Variants in STPG4 observed in about 807,000 individuals in gnomAD.
STPG4 encodes sperm-tail PG-rich repeat containing 4.
In STPG4, 41 loss-of-function variants were observed where a neutral mutation model predicts 31.5. That is an observed-to-expected ratio of 1.30 (90% CI 1.01 to 1.69). STPG4 has a LOEUF of 1.69. Ranked by LOEUF, STPG4 falls within the 40% of genes most tolerant of loss-of-function variation. The probability of loss-of-function intolerance (pLI) is 0.00; values close to 1 mark genes in which losing one functional copy is unlikely to be tolerated. For synonymous variants in STPG4, 141 were observed against 103.0 expected, an observed-to-expected ratio of 1.37 and a Z score of -2.24; for missense variants, 375 against 293.4, an observed-to-expected ratio of 1.28 and a Z score of -2.03.
chr2:47,117,087 C>G (rs191127673), intron 5 of STPG4, among the ~76,000 whole-genome samples: 5 of 152,330 alleles, frequency 3.3e-5, no homozygotes, highest in Admixed American at 6.5e-5. Flanking sequence ...CAAGCTTTCT[C>G]TTCACCCATG....
intron 5 of STPG4, among the ~76,000 whole-genome samples, chr2:47,097,379 C>G (rs1685694941): frequency 6.6e-6 from 1 of 152,146 alleles, no homozygotes; most frequent in Admixed American, 6.5e-5. Context: ...GGTCTGGATG[C>G]TGATGTCCCC....
chr2:47,145,703 C>A (rs1390246364), intron 3 of STPG4, among the ~76,000 whole-genome samples: 1 of 152,146 alleles, frequency 6.6e-6, no homozygotes, highest in Non-Finnish European at 1.5e-5. Flanking sequence ...CAGGTTCAAC[C>A]AATATTAATC....
intron 5 of STPG4, among the ~76,000 whole-genome samples, chr2:47,110,767 G>C (rs188738431): frequency 3.9e-5 from 6 of 152,214 alleles, no homozygotes; most frequent in Non-Finnish European, 7.4e-5. Context: ...ATCTCAATTT[G>C]ATCCTGCATT....
At chr2:47,103,373 G>A (rs1308345888) in intron 5 of STPG4, among the ~76,000 whole-genome samples, 9 of 151,898 alleles carry the variant, frequency 5.9e-5, no homozygotes, top group Admixed American at 2.6e-4. Context: ...ATCAGCCGCA[G>A]ATATCAGGAG....
Position 47,087,771 on chromosome 2 carries a change from CAG to C in STPG4, c.625-643_625-642del, listed in dbSNP as rs1685484885. On this transcript the variant is annotated intron_variant, in intron 6 of 6. Transcript: ENST00000445927. The stretch of plus-strand genomic sequence containing the variant: ...TATTTATTTATATATTTTTTTGAGA[CAG>C]AGTCTCGCCCTGTTGCTAGGCTGGA... 6.6e-5 allele frequency among the ~76,000 whole-genome samples: 10 copies of C among 152,174 alleles called. No homozygotes were observed. In the South Asian group the frequency reaches 1.9e-3, roughly 28 times the overall value.
At chr2:47,097,411 C>T (rs1249513398) in intron 5 of STPG4, among the ~76,000 whole-genome samples, 2 of 152,088 alleles carry the variant, frequency 1.3e-5, no homozygotes, top group Non-Finnish European at 2.9e-5. Context: ...ATGTTGGAAC[C>T]TAATGGCCCC....
chr2:47,123,384 C>G (rs535101658), intron 5 of STPG4, among the ~76,000 whole-genome samples: 61 of 152,262 alleles, frequency 4.0e-4, no homozygotes, highest in Non-Finnish European at 7.1e-4. Context: ...TACTATGTGC[C>G]AGTCACTTGC....
intron 5 of STPG4, among the ~76,000 whole-genome samples, chr2:47,097,085 G>A (rs1015685837): frequency 1.3e-5 from 2 of 152,142 alleles, no homozygotes; most frequent in Non-Finnish European, 2.9e-5. Context: ...AAGGCACGGA[G>A]CAAGCAGGTA....
chr2:47,118,965 T>A (rs17036269), intron 5 of STPG4, among the ~76,000 whole-genome samples: 3,906 of 152,360 alleles, frequency 0.026, 176 homozygotes, highest in African/African-American at 0.089. Context: ...TTAAACTGAA[T>A]GATAAAATCA....
At chr2:47,146,563 T>TG (rs1686823864) in intron 3 of STPG4, among the ~76,000 whole-genome samples, 4 of 38,042 alleles carry the variant, frequency 1.1e-4, no homozygotes, top group Non-Finnish European at 1.9e-4. Context: ...CCATCTCTAC[T>TG]GAAAAAAAAA....
chr2:47,134,615 A>G (rs1190955296), intron 3 of STPG4, among the ~76,000 whole-genome samples: 1 of 152,236 alleles, frequency 6.6e-6, no homozygotes, highest in Non-Finnish European at 1.5e-5. Context: ...ACTTAGCAAC[A>G]TCTTTGTTGC....
chr2:47,138,918 C>T (rs1383050390), intron 3 of STPG4, among the ~76,000 whole-genome samples: 2 of 152,162 alleles, frequency 1.3e-5, no homozygotes, highest in Admixed American at 1.3e-4. Flanking sequence ...CTCCTGACCT[C>T]AAGTGATCCA....
intron 2 of STPG4, 32 bp downstream of exon 2, chr2:47,152,925 T>C: frequency 3.4e-6 from 5 of 1,452,238 alleles, no homozygotes; most frequent in Non-Finnish European, 4.8e-6. Flanking sequence ...ATAGGAATAA[T>C]GTGAATAGGA....
intron 5 of STPG4, among the ~76,000 whole-genome samples, chr2:47,100,093 AC>A (rs1424108640): frequency 4.6e-5 from 7 of 152,078 alleles, no homozygotes; most frequent in East Asian, 1.9e-4. Flanking sequence ...AGTCCCATCG[AC>A]CACCCAAGGG....
chr2:47,106,188 A>C (rs113883559), intron 5 of STPG4, among the ~76,000 whole-genome samples: 14,001 of 152,020 alleles, frequency 0.092, 911 homozygotes, highest in Non-Finnish European at 0.12. Flanking sequence ...ATTCCTTTAA[A>C]AGCCAGGGTA....
intron 5 of STPG4, among the ~76,000 whole-genome samples, chr2:47,119,714 G>T (rs889153469): frequency 2.0e-5 from 3 of 152,210 alleles, no homozygotes; most frequent in Non-Finnish European, 4.4e-5. Context: ...CTCACCCAGT[G>T]CAGTAAGACC....
At chr2:47,154,946 G>A (rs1353707621) in intron 1 of STPG4, among the ~76,000 whole-genome samples, 1 of 151,866 alleles carries the variant, frequency 6.6e-6, no homozygotes, top group Non-Finnish European at 1.5e-5. Flanking sequence ...CGAAGGAGAA[G>A]GAAAAGGGAA....
At chr2:47,146,657 C>T (rs929607864) in intron 3 of STPG4, among the ~76,000 whole-genome samples, 1 of 151,644 alleles carries the variant, frequency 6.6e-6, no homozygotes, top group Admixed American at 6.6e-5. Flanking sequence ...CCAACAAATA[C>T]ATGGTGTTCA....
At chr2:47,117,986 C>A (rs576115365) in intron 5 of STPG4, among the ~76,000 whole-genome samples, 1 of 151,488 alleles carries the variant, frequency 6.6e-6, no homozygotes. Context: ...GTCTTGAACT[C>A]TTGGTCTCAA....
Sources: allele counts gnomAD v4.1 joint callset (sites outside exome capture counted in the v4.1 genomes callset), GRCh38; gene constraint gnomAD v4.1.1; transcripts MANE v1.5; gene names NCBI Gene and HGNC (gene_info 2026-07-23, HGNC 2026-07-21).